Variants in LRFN4 observed in about 807,000 individuals in gnomAD.
LRFN4 encodes the protein leucine rich repeat and fibronectin type III domain containing 4.
In LRFN4, 10 loss-of-function variants were observed where a neutral mutation model predicts 29.0. The observed-to-expected ratio is 0.35, with a 90% confidence interval of 0.21 to 0.59. LRFN4 has a LOEUF of 0.59. Ranked by LOEUF, LRFN4 falls within the 20% of genes least tolerant of loss-of-function variation. LRFN4 has a pLI of 0.82. For missense variants in LRFN4, 850 were observed against 907.9 expected (o/e 0.94, Z 0.82); for synonymous variants, 493 against 437.0 (o/e 1.13, Z -1.60).
At position 66,859,024 on chromosome 11, in the gene LRFN4, G is replaced by T; in HGVS notation, c.1280G>T (p.Arg427Leu). ...GGGCTGGTGAGCTGGGGTCCCGGGC[G>T]GCCAGCCGACCCAGTGTGGATGTTC... ...TSGLVSWGPGRPADPVWMFQI... is the reference protein window; with the variant it reads ...TSGLVSWGPGLPADPVWMFQI... Residue 427 changes from arginine (R) to leucine (L), a missense_variant, in exon 1 of 2, where the codon CGG becomes CTG. Transcript: ENST00000309602. 1.3e-6 allele frequency: 2 copies of T among 1,510,528 alleles called. No homozygotes were observed. Among genetic ancestry groups the T allele is most frequent in the South Asian group, 2.7e-5 (2 of 75,124 alleles). The allele number at this position is 1,510,528 out of a possible 1,614,324, so 93.6% of individuals were successfully genotyped here. A position where few individuals can be genotyped will look rare whatever the true frequency, so the allele number is the denominator to read the frequency against.
Position 66,857,481 on chromosome 11 carries a change from G to A in LRFN4, c.-264G>A, listed in dbSNP as rs1246185586. On this transcript the variant is annotated 5_prime_UTR_variant, in exon 1 of 2. Transcript: ENST00000309602. This position sits in a 1 kb window ranked among gnomAD's most constrained non-coding sequence, Gnocchi z 7.1. ...CCCTCCCTGCTCTCGGTCCTCCTCC[G>A]CTTCCTGCCTCATGCCTCACCTTGT... 2 of 443,352 alleles carry A rather than the reference G, an allele frequency of 4.5e-6. No individual in the cohort carries two copies. Among genetic ancestry groups the A allele is most frequent in the Admixed American group, 7.8e-5 (2 of 25,722 alleles). The allele number at this position is 443,352 out of a possible 1,614,324, so 27.5% of individuals were successfully genotyped here. A position where few individuals can be genotyped will look rare whatever the true frequency, so the allele number is the denominator to read the frequency against.
At position 66,858,738 on chromosome 11, in the gene LRFN4, C is replaced by G. The variant is rs1386579420; in HGVS notation, c.994C>G (p.Pro332Ala). 3 of 1,553,074 alleles carry G rather than the reference C, an allele frequency of 1.9e-6. No individual in the cohort carries two copies. In the East Asian group the frequency reaches 7.2e-5, roughly 37 times the overall value. ...VGNSSRARAF[P>A]NGTLEIGVTG... is the part of the protein sequence containing the mutation. ...CAACTCCTCCCGAGCCCGGGCTTTC[C>G]CCAACGGGACCTTAGAGATTGGGGT... Residue 332 changes from proline (P) to alanine (A), a missense_variant, in exon 1 of 2, where the codon CCC becomes GCC. Transcript: ENST00000309602. The surrounding 1 kb of genome is among the most constrained non-coding windows in gnomAD (Gnocchi z 5.9).
In LRFN4 at chr11:66,858,397, G is replaced by C. The variant is rs1381268679; in HGVS notation, c.653G>C (p.Arg218Pro). The change falls in exon 1 of 2, where the codon CGT (arginine) becomes CCT (proline). Residue 218 changes from arginine to proline, a missense_variant. By Grantham distance (103) the Arg-to-Pro change is moderately radical (BLOSUM62 -2). Transcript: ENST00000309602. This position sits in a 1 kb window ranked among gnomAD's most constrained non-coding sequence, Gnocchi z 5.9. The stretch of plus-strand genomic sequence containing the variant: ...CCGGACCCGCTTTTCTCTCGTGGGC[G>C]TGATGCAGAGGCCTCTCCCGCCCCC... ...LAPDPLFSRGRDAEASPAPLV... is the reference protein window; with the variant it reads ...LAPDPLFSRGPDAEASPAPLV... The C allele has an allele frequency of 1.3e-6, 2 of 1,562,124 alleles. No homozygotes were observed. The highest frequency in any genetic ancestry group is 1.7e-6 in the Non-Finnish European group (2 of 1,159,362).
At position 66,857,535 on chromosome 11, in the gene LRFN4, C is replaced by T. The variant is rs1945938291; in HGVS notation, c.-210C>T. The T allele has an allele frequency of 1.7e-6, 1 of 577,526 alleles. No homozygotes were observed. The highest frequency in any genetic ancestry group is 3.0e-6 in the Non-Finnish European group (1 of 329,006). The allele number at this position is 577,526 out of a possible 1,614,324, so 35.8% of individuals were successfully genotyped here. A position where few individuals can be genotyped will look rare whatever the true frequency, so the allele number is the denominator to read the frequency against. ...CAGCGCCTGGACTCCCCCTTAACTG[C>T]TTGGGAAATGTGACCTTTGCTCTGG... On this transcript the variant is annotated 5_prime_UTR_variant, in exon 1 of 2. Transcript: ENST00000309602. This position sits in a 1 kb window ranked among gnomAD's most constrained non-coding sequence, Gnocchi z 7.1.
intron 1 of LRFN4, 68 bp downstream of exon 1, chr11:66,859,161 G>A: frequency 6.9e-7 from 1 of 1,452,532 alleles, no homozygotes; most frequent in Non-Finnish European, 9.1e-7. Context: ...CTCCCCACAA[G>A]GCTTTGCTTC....
Position 66,859,982 on chromosome 11 carries a change from C to G in LRFN4, c.1695C>G (p.Ser565Arg), listed in dbSNP as rs535868290. ...AGTCCCAGACCAATGGAGGCCCCAGCCCCACACCCAAGGCCCACCCGCCGC... is the reference window on the plus strand; with the variant it reads ...AGTCCCAGACCAATGGAGGCCCCAGGCCCACACCCAAGGCCCACCCGCCGC... Reference protein sequence around the residue: ...HVQSQTNGGPSPTPKAHPPRS... With the variant: ...HVQSQTNGGPRPTPKAHPPRS... The change falls in exon 2 of 2, where the codon AGC becomes AGG. Residue 565 changes from serine to arginine, a missense_variant. Around this residue, in one of 2 missense-constraint regions of LRFN4, gnomAD observed 744 missense variants for 753.8 expected, o/e 0.99. Transcript: ENST00000309602. 6.2e-7 allele frequency: 1 copy of G among 1,600,798 alleles called. No homozygotes were observed. The highest frequency in any genetic ancestry group is 1.1e-5 in the South Asian group (1 of 89,796).
Position 66,859,880 on chromosome 11 carries a change from G to A in LRFN4, c.1593G>A (p.Leu531=). The change falls in exon 2 of 2, where the codon CTG becomes CTA. Residue 531 remains leucine, a synonymous_variant. Coordinates refer to ENST00000309602, the MANE Select transcript of LRFN4 (RefSeq NM_024036.5). ...GGGGTGTGCTGGTGGCTGCCTTACTGGTCTTCACTGTGGCCTTGCTGGTTC... is the reference window on the plus strand; with the variant it reads ...GGGGTGTGCTGGTGGCTGCCTTACTAGTCTTCACTGTGGCCTTGCTGGTTC... The part of the protein sequence containing the change: ...AVGGVLVAAL[L]VFTVALLVRG... 6.4e-7 allele frequency: 1 copy of A among 1,567,400 alleles called. No homozygotes were observed. The highest frequency in any genetic ancestry group is 1.2e-5 in the South Asian group (1 of 82,870).
At position 66,860,011 on chromosome 11, in the gene LRFN4, G is replaced by A; in HGVS notation, c.1724G>A (p.Ser575Asn). 2.5e-6 allele frequency: 4 copies of A among 1,589,536 alleles called. No homozygotes were observed. Among genetic ancestry groups the A allele is most frequent in the Non-Finnish European group, 3.4e-6 (4 of 1,168,404 alleles). Residue 575 changes from serine to asparagine, a missense_variant, in exon 2 of 2, where the codon AGC becomes AAC. This residue lies in a region of LRFN4 where 744 missense variants were observed against 753.8 expected (regional missense o/e 0.99). Coordinates refer to ENST00000309602, the MANE Select transcript of LRFN4 (RefSeq NM_024036.5). ...ACACCCAAGGCCCACCCGCCGCGGAGCCCCCCGCCCCGGCCGCAGCGCAGC... is the reference window on the plus strand; with the variant it reads ...ACACCCAAGGCCCACCCGCCGCGGAACCCCCCGCCCCGGCCGCAGCGCAGC... The part of the protein sequence containing the change: ...SPTPKAHPPR[S>N]PPPRPQRSCS...
At position 66,858,702 on chromosome 11, in the gene LRFN4, C is replaced by A. The variant is rs770259072; in HGVS notation, c.958C>A (p.Arg320=). ...PTMHWVGPDD[R]LVGNSSRARA... ...CATGCACTGGGTCGGTCCTGACGACCGGTTGGTTGGCAACTCCTCCCGAGC... is the reference window on the plus strand; with the variant it reads ...CATGCACTGGGTCGGTCCTGACGACAGGTTGGTTGGCAACTCCTCCCGAGC... Residue 320 remains arginine (R), a synonymous_variant, in exon 1 of 2, where the codon CGG becomes AGG. Coordinates refer to ENST00000309602, the MANE Select transcript of LRFN4 (RefSeq NM_024036.5). This position sits in a 1 kb window ranked among gnomAD's most constrained non-coding sequence, Gnocchi z 5.9. 2 of 1,550,380 alleles carry A rather than the reference C, an allele frequency of 1.3e-6. No individual in the cohort carries two copies. Among genetic ancestry groups the A allele is most frequent in the Admixed American group, 1.9e-5 (1 of 52,004 alleles).
chr11:66,857,357 G>A lies in LRFN4; in HGVS notation c.-388G>A, dbSNP rs1381046848. ...CAGGGAGGGGCCACGGACTCCACGGGAGGTTCGGGGGGCGCCTTCTCTGGC... is the reference window on the plus strand; with the variant it reads ...CAGGGAGGGGCCACGGACTCCACGGAAGGTTCGGGGGGCGCCTTCTCTGGC... On this transcript the variant is annotated 5_prime_UTR_variant, in exon 1 of 2. Coordinates refer to ENST00000309602, the MANE Select transcript of LRFN4 (RefSeq NM_024036.5). The surrounding 1 kb of genome is among the most constrained non-coding windows in gnomAD (Gnocchi z 7.1). 5.7e-6 allele frequency: 1 copy of A among 175,942 alleles called. No individual in the cohort carries two copies. The highest frequency in any genetic ancestry group is 1.2e-5 in the Non-Finnish European group (1 of 83,870). 10.9% of individuals were successfully genotyped at this position (175,942 alleles called of 1,614,324 possible).
In LRFN4 at chr11:66,858,199, T is replaced by C; in HGVS notation, c.455T>C (p.Leu152Pro). 1.9e-6 allele frequency: 3 copies of C among 1,612,330 alleles called. No homozygotes were observed. Among genetic ancestry groups the C allele is most frequent in the Non-Finnish European group, 2.5e-6 (3 of 1,179,752 alleles). Residue 152 changes from leucine to proline, a missense_variant, in exon 1 of 2, where the codon CTG becomes CCG. This residue lies in a region of LRFN4 where 744 missense variants were observed against 753.8 expected (regional missense o/e 0.99). Coordinates refer to ENST00000309602, the MANE Select transcript of LRFN4 (RefSeq NM_024036.5). This position sits in a 1 kb window ranked among gnomAD's most constrained non-coding sequence, Gnocchi z 5.9. ...CTAGAGAGCCTGGAGGACCTGGACCTGTCCTACAACAACCTCCGGCAGGTG... is the reference window on the plus strand; with the variant it reads ...CTAGAGAGCCTGGAGGACCTGGACCCGTCCTACAACAACCTCCGGCAGGTG... ...DFLESLEDLD[L>P]SYNNLRQVPW...
rs754636227 is a variant in LRFN4, at chr11:66,858,526, C to G, written c.782C>G (p.Pro261Arg). 2.6e-6 allele frequency: 4 copies of G among 1,533,752 alleles called. No homozygotes were observed. Among genetic ancestry groups the G allele is most frequent in the Non-Finnish European group, 2.6e-6 (3 of 1,145,322 alleles). The change falls in exon 1 of 2, where the codon CCC becomes CGC. Residue 261 changes from proline to arginine, a missense_variant. This residue lies in a region of LRFN4 where 744 missense variants were observed against 753.8 expected (regional missense o/e 0.99). Transcript: ENST00000309602. The surrounding 1 kb of genome is among the most constrained non-coding windows in gnomAD (Gnocchi z 5.9). ...PDDLETCASP[P>R]GLAGRYFWAV... ...GACCTGGAAACGTGCGCCTCCCCGC[C>G]CGGCCTGGCCGGCCGCTACTTCTGG...
At position 66,857,978 on chromosome 11, in the gene LRFN4, A is replaced by G. The variant is rs1247680388; in HGVS notation, c.234A>G (p.Thr78=). 1.2e-6 allele frequency: 2 copies of G among 1,612,270 alleles called. No homozygotes were observed. The highest frequency in any genetic ancestry group is 1.7e-6 in the Non-Finnish European group (2 of 1,179,888). ...ACATGACGGGACTGGTGGACCTGAC[A>G]CTGTCTCGCAATGCCATCACCCGCA... ...FRNMTGLVDL[T]LSRNAITRIG... is the part of the protein sequence containing the mutation. The change falls in exon 1 of 2, where the codon ACA becomes ACG. Residue 78 remains threonine (T), a synonymous_variant. Transcript: ENST00000309602. The surrounding 1 kb of genome is among the most constrained non-coding windows in gnomAD (Gnocchi z 7.1).
rs779673118 is a variant in LRFN4, at chr11:66,859,724, G to A, written c.1437G>A (p.Pro479=). ...DYDLCLLALS[P]AAGPSDLTAT... is the part of the protein sequence containing the mutation. ...ACCTCTGCCTGCTGGCCTTGTCACC[G>A]GCCGCTGGGCCCTCTGACCTCACGG... The change falls in exon 2 of 2, where the codon CCG becomes CCA. Residue 479 remains proline (P), a synonymous_variant. Transcript: ENST00000309602. 21 of 1,611,002 alleles carry A rather than the reference G, an allele frequency of 1.3e-5. No homozygotes were observed. Among genetic ancestry groups the A allele is most frequent in the Middle Eastern group, 1.6e-4 (1 of 6,080 alleles).
rs975729319 is a variant in LRFN4, at chr11:66,857,468, T to G, written c.-277T>G. ...GGAAGTTCCGGGACCCTCCCTGCTCTCGGTCCTCCTCCGCTTCCTGCCTCA... is the reference window on the plus strand; with the variant it reads ...GGAAGTTCCGGGACCCTCCCTGCTCGCGGTCCTCCTCCGCTTCCTGCCTCA... On this transcript the variant is annotated 5_prime_UTR_variant, in exon 1 of 2. Transcript: ENST00000309602. The surrounding 1 kb of genome is among the most constrained non-coding windows in gnomAD (Gnocchi z 7.1). 4.8e-6 allele frequency: 2 copies of G among 418,578 alleles called. No individual in the cohort carries two copies. Among genetic ancestry groups the G allele is most frequent in the African/African-American group, 4.1e-5 (2 of 48,772 alleles). 25.9% of individuals were successfully genotyped at this position (418,578 alleles called of 1,614,324 possible).
At position 66,859,652 on chromosome 11, in the gene LRFN4, C is replaced by T; in HGVS notation, c.1365C>T (p.Ser455=). 6.2e-7 allele frequency: 1 copy of T among 1,613,002 alleles called. No homozygotes were observed. Among genetic ancestry groups the T allele is most frequent in the South Asian group, 1.1e-5 (1 of 91,078 alleles). The change falls in exon 2 of 2, where the codon TCC becomes TCT. Residue 455 remains serine, a synonymous_variant. Transcript: ENST00000309602. ...TTGCCTGCAGGATTGTCCCAGCCTCCAGCCACCACTTCCTGCTGAAGCACC... is the reference window on the plus strand; with the variant it reads ...TTGCCTGCAGGATTGTCCCAGCCTCTAGCCACCACTTCCTGCTGAAGCACC... ...ETLIYRIVPA[S]SHHFLLKHLV...
At position 66,859,113 on chromosome 11, in the gene LRFN4, A is replaced by G. The variant is rs750530918; in HGVS notation, c.1349+20A>G. On this transcript the variant is annotated intron_variant, in intron 1 of 1. Transcript: ENST00000309602. ...CTACCGGTGAGGATGCGTGCCCCAC[A>G]CCCGGCTGCACTCCCGGCGCCCTTC... is the stretch of plus-strand genomic sequence containing the variant. The G allele has an allele frequency of 1.4e-6, 2 of 1,475,936 alleles. No homozygotes were observed. The highest frequency in any genetic ancestry group is 2.9e-5 in the South Asian group (2 of 68,766). 91.4% of individuals were successfully genotyped at this position (1,475,936 alleles called of 1,614,324 possible).
chr11:66,860,106 C>A lies in LRFN4; in HGVS notation c.1819C>A (p.Arg607=), dbSNP rs780105459. Residue 607 remains arginine (R), a synonymous_variant, in exon 2 of 2, where the codon CGG becomes AGG. Coordinates refer to ENST00000309602, the MANE Select transcript of LRFN4 (RefSeq NM_024036.5). ...ARRLGGAWAR[R]SHSVHGGLLG... The stretch of plus-strand genomic sequence containing the variant: ...GCGCCTGGGAGGAGCTTGGGCCCGA[C>A]GGAGCCACTCTGTGCATGGGGGGCT... The A allele has an allele frequency of 6.4e-7, 1 of 1,551,406 alleles. No individual in the cohort carries two copies. Among genetic ancestry groups the A allele is most frequent in the African/African-American group, 1.4e-5 (1 of 73,084 alleles).
Position 66,858,810 on chromosome 11 carries a change from C to T in LRFN4, c.1066C>T (p.Pro356Ser), listed in dbSNP as rs775414771. The T allele has an allele frequency of 6.5e-7, 1 of 1,549,874 alleles. No homozygotes were observed. Residue 356 changes from proline to serine, a missense_variant, in exon 1 of 2, where the codon CCT (proline) becomes TCT (serine). Transcript: ENST00000309602. This position sits in a 1 kb window ranked among gnomAD's most constrained non-coding sequence, Gnocchi z 5.9. The part of the protein sequence containing the change: ...AGGYTCIATN[P>S]AGEATARVEL... ...GGGCTACACCTGCATCGCCACCAACCCTGCTGGTGAGGCCACAGCCCGAGT... is the reference window on the plus strand; with the variant it reads ...GGGCTACACCTGCATCGCCACCAACTCTGCTGGTGAGGCCACAGCCCGAGT...
Sources: gnomAD v4.1 joint callset for allele counts on GRCh38, gnomAD v4.1.1 for gene constraint, gnomAD v4.1.1 regional missense constraint, Gnocchi (gnomAD v3.1) non-coding constraint, MANE v1.5 for transcripts, NCBI Gene and HGNC (gene_info 2026-07-23, HGNC 2026-07-21) for gene names.